The following BTBD9 variants were observed in gnomAD, a reference collection of about 807,000 sequenced individuals.
BTBD9 encodes the protein BTB/POZ domain-containing protein 9.
Under a neutral mutation model 64.3 loss-of-function variants are expected in BTBD9, and 49 were observed. That is an observed-to-expected ratio of 0.76 (90% CI 0.61 to 0.97). BTBD9 has a LOEUF of 0.97. BTBD9 is among the 50% of genes least tolerant of loss of function. The pLI is 0.00. For missense variants in BTBD9, 598 were observed against 762.1 expected, an observed-to-expected ratio of 0.78 and a Z score of 2.53; for synonymous variants, 260 against 274.7, an observed-to-expected ratio of 0.95 and a Z score of 0.53.
At chr6:38,275,684 C>T (rs554693218) in intron 8 of BTBD9, among the ~76,000 whole-genome samples, 167 of 152,174 alleles carry the variant, frequency 1.1e-3, no homozygotes, top group African/African-American at 3.7e-3. Context: ...AAAAAGTGGG[C>T]GAAGGATATG....
intron 1 of BTBD9, among the ~76,000 whole-genome samples, chr6:38,602,820 G>A (rs927284761): frequency 6.6e-6 from 1 of 151,404 alleles, no homozygotes; most frequent in African/African-American, 2.4e-5. Flanking sequence ...CAACTTGAAG[G>A]CAAGGACATA....
chr6:38,619,471 T>C (rs1038182676), intron 1 of BTBD9, among the ~76,000 whole-genome samples: 1 of 152,134 alleles, frequency 6.6e-6, no homozygotes, highest in Non-Finnish European at 1.5e-5. Flanking sequence ...TTAAAAAAGA[T>C]TGTCCAAAGA....
intron 9 of BTBD9, among the ~76,000 whole-genome samples, chr6:38,197,101 C>T (rs910371449): frequency 6.6e-6 from 1 of 152,146 alleles, no homozygotes; most frequent in Admixed American, 6.5e-5. Flanking sequence ...GTTAAAATAA[C>T]GGGCCAGGTT....
At chr6:38,284,899 G>T (rs558484047) in intron 8 of BTBD9, among the ~76,000 whole-genome samples, 1 of 150,246 alleles carries the variant, frequency 6.7e-6, no homozygotes, top group South Asian at 2.1e-4. Context: ...CATGATCAAA[G>T]AATTGGAGGC....
At chr6:38,421,491 T>C (rs1354936509) in intron 6 of BTBD9, among the ~76,000 whole-genome samples, 1 of 152,268 alleles carries the variant, frequency 6.6e-6, no homozygotes, top group Non-Finnish European at 1.5e-5. Context: ...AATTTAATAA[T>C]TCTTAAGCCT....
At chr6:38,500,366 T>C (rs1772142248) in intron 6 of BTBD9, among the ~76,000 whole-genome samples, 2 of 152,120 alleles carry the variant, frequency 1.3e-5, no homozygotes, top group East Asian at 1.9e-4. Flanking sequence ...AAGGGTTTTA[T>C]ACCATGAAAA....
chr6:38,624,800 A>G (rs1417874544), intron 1 of BTBD9, among the ~76,000 whole-genome samples: 1 of 152,150 alleles, frequency 6.6e-6, no homozygotes, highest in African/African-American at 2.4e-5. Context: ...ATCATGTCCT[A>G]TGAGGGGAGA....
chr6:38,302,087 C>G (rs1000640745), intron 7 of BTBD9, among the ~76,000 whole-genome samples: 9 of 152,124 alleles, frequency 5.9e-5, no homozygotes, highest in African/African-American at 2.2e-4. Flanking sequence ...TCAGCATCTT[C>G]AGGATATATC....
chr6:38,229,769 A>G (rs1005062676), intron 9 of BTBD9, among the ~76,000 whole-genome samples: 3 of 152,220 alleles, frequency 2.0e-5, no homozygotes, highest in African/African-American at 7.2e-5. Flanking sequence ...GGAGAGCATC[A>G]CATTTATCCC....
In BTBD9 at chr6:38,171,373, A is replaced by C. The variant is rs1175091143; in HGVS notation, c.*3612T>G. ...CTTGCTGAAAATAATTTCTTTTCCCAACTCTTCTAGGAATAAAACACTTTT... is the reference window on the plus strand; with the variant it reads ...CTTGCTGAAAATAATTTCTTTTCCCCACTCTTCTAGGAATAAAACACTTTT... On this transcript the variant is annotated 3_prime_UTR_variant, in exon 11 of 11. Coordinates refer to ENST00000481247, the MANE Select transcript of BTBD9 (RefSeq NM_001099272.2). 6.6e-6 allele frequency: 1 copy of C among 152,138 alleles called. No individual in the cohort carries two copies. The highest frequency in any genetic ancestry group is 1.5e-5 in the Non-Finnish European group (1 of 68,026). 9.4% of individuals were successfully genotyped at this position (152,138 alleles called of 1,614,324 possible). A position where few individuals can be genotyped will look rare whatever the true frequency, so the allele number is the denominator to read the frequency against.
At chr6:38,392,029 G>T (rs534808735) in intron 6 of BTBD9, among the ~76,000 whole-genome samples, 1 of 152,066 alleles carries the variant, frequency 6.6e-6, no homozygotes, top group Admixed American at 6.6e-5. Flanking sequence ...ATCACATGGA[G>T]GAAAAAATGT....
chr6:38,499,029 G>A (rs1358519667), intron 6 of BTBD9, among the ~76,000 whole-genome samples: 5 of 152,074 alleles, frequency 3.3e-5, no homozygotes, highest in South Asian at 2.1e-4. Context: ...CAGCAACTGC[G>A]AGAGGTTCAT....
chr6:38,211,309 G>C (rs1424749454), intron 9 of BTBD9, among the ~76,000 whole-genome samples: 1 of 152,068 alleles, frequency 6.6e-6, no homozygotes, highest in African/African-American at 2.4e-5. Flanking sequence ...GGCGCCTGCA[G>C]TCCCAGCTAC....
At chr6:38,336,786 G>A (rs1304336438) in intron 7 of BTBD9, among the ~76,000 whole-genome samples, 1 of 152,094 alleles carries the variant, frequency 6.6e-6, no homozygotes, top group African/African-American at 2.4e-5. Context: ...GAAACTTCCC[G>A]ATACATGACT....
chr6:38,619,153 C>T (rs1018849683), intron 1 of BTBD9, among the ~76,000 whole-genome samples: 5 of 152,178 alleles, frequency 3.3e-5, no homozygotes, highest in Admixed American at 1.3e-4. Flanking sequence ...ACCTGACTCC[C>T]TCAAGGATCA....
intron 6 of BTBD9, among the ~76,000 whole-genome samples, chr6:38,434,005 C>A (rs1356127236): frequency 6.6e-6 from 1 of 151,938 alleles, no homozygotes; most frequent in African/African-American, 2.4e-5. Context: ...CTCTACAAAC[C>A]ATATATTCTC....
intron 6 of BTBD9, among the ~76,000 whole-genome samples, chr6:38,452,913 T>C (rs1379295985): frequency 1.3e-5 from 2 of 152,144 alleles, no homozygotes; most frequent in Non-Finnish European, 2.9e-5. Flanking sequence ...TCAATTCACA[T>C]AAAAACACAG....
chr6:38,382,047 A>T (rs953840299), intron 6 of BTBD9, among the ~76,000 whole-genome samples: 1 of 152,160 alleles, frequency 6.6e-6, no homozygotes. Flanking sequence ...TACTGGCAAA[A>T]ACTGTCCGAA....
chr6:38,208,973 G>A (rs192414217), intron 9 of BTBD9, among the ~76,000 whole-genome samples: 53 of 152,268 alleles, frequency 3.5e-4, no homozygotes, highest in Admixed American at 2.0e-3. Context: ...ATCAAAAGTC[G>A]CACATGGGAG....
Sources: gnomAD v4.1 joint callset for allele counts (sites outside exome capture counted in the v4.1 genomes callset) on GRCh38, gnomAD v4.1.1 for gene constraint, MANE v1.5 for transcripts, NCBI Gene and HGNC (gene_info 2026-07-23, HGNC 2026-07-21) for gene names.